The following SIL1 variants were observed in gnomAD, a reference collection of about 807,000 sequenced individuals.
SIL1 encodes nucleotide exchange factor SIL1.
In SIL1, 40 loss-of-function variants were observed where a neutral mutation model predicts 49.1. The observed-to-expected ratio is 0.81, with a 90% CI of 0.63 to 1.06. The LOEUF (loss-of-function observed/expected upper bound fraction) is 1.06, where lower values mean the gene tolerates loss of function less well. SIL1 is among the 50% of genes least tolerant of loss of function. The pLI, the probability that SIL1 is intolerant of heterozygous loss-of-function variation, is 0.00. For synonymous variants in SIL1, 253 were observed against 250.8 expected, an observed-to-expected ratio of 1.01 and a Z score of -0.08; for missense variants, 500 against 572.6, an observed-to-expected ratio of 0.87 and a Z score of 1.29.
intron 3 of SIL1, among the ~76,000 whole-genome samples, chr5:139,089,772 G>A (rs1770303053): frequency 6.6e-6 from 1 of 152,140 alleles, no homozygotes; most frequent in Non-Finnish European, 1.5e-5. Flanking sequence ...AAGACAGAAA[G>A]GAGCTTTGTG....
At chr5:138,952,597 A>G (rs1211092457) in intron 7 of SIL1, among the ~76,000 whole-genome samples, 9 of 152,360 alleles carry the variant, frequency 5.9e-5, no homozygotes, top group Admixed American at 6.5e-5. Flanking sequence ...TAGGGAATGA[A>G]TGAACGACTG....
chr5:138,988,854 G>C (rs983919639), intron 7 of SIL1, among the ~76,000 whole-genome samples: 6 of 152,176 alleles, frequency 3.9e-5, no homozygotes, highest in Non-Finnish European at 7.3e-5. Context: ...GCTTGGGTGA[G>C]AGCGAGACCG....
At chr5:138,949,811 A>G (rs1223060310) in intron 9 of SIL1, among the ~76,000 whole-genome samples, 3 of 148,996 alleles carry the variant, frequency 2.0e-5, no homozygotes, top group Admixed American at 1.3e-4. Context: ...AAAAAAAAAA[A>G]AAAAAGAAAA....
At chr5:139,155,739 C>T (rs1751396108) in intron 1 of SIL1, among the ~76,000 whole-genome samples, 1 of 152,124 alleles carries the variant, frequency 6.6e-6, no homozygotes, top group Non-Finnish European at 1.5e-5. Context: ...AAGAGGGTGG[C>T]CTTGGGGATA....
At chr5:139,145,041 G>T (rs769993102) in intron 1 of SIL1, among the ~76,000 whole-genome samples, 2 of 152,080 alleles carry the variant, frequency 1.3e-5, no homozygotes, top group Non-Finnish European at 2.9e-5. Flanking sequence ...CAAAGGACGC[G>T]ATCAAGAGAA....
At chr5:138,984,616 C>A (rs1767611548) in intron 7 of SIL1, among the ~76,000 whole-genome samples, 1 of 152,150 alleles carries the variant, frequency 6.6e-6, no homozygotes, top group African/African-American at 2.4e-5. Flanking sequence ...ACCTTAGCCT[C>A]CCAAAGTGCT....
chr5:139,049,583 G>A (rs1340856165), intron 4 of SIL1, among the ~76,000 whole-genome samples: 1 of 152,098 alleles, frequency 6.6e-6, no homozygotes, highest in Non-Finnish European at 1.5e-5. Flanking sequence ...GAGTCCAGGA[G>A]TTTAAGACCA....
At chr5:138,985,623 C>A (rs574429430) in intron 7 of SIL1, among the ~76,000 whole-genome samples, 2 of 152,168 alleles carry the variant, frequency 1.3e-5, no homozygotes, top group African/African-American at 4.8e-5. Flanking sequence ...ATATCTAGTG[C>A]TCTTGTTTTC....
intron 7 of SIL1, among the ~76,000 whole-genome samples, chr5:138,970,927 G>T (rs1030631945): frequency 6.6e-6 from 1 of 150,504 alleles, no homozygotes; most frequent in Non-Finnish European, 1.5e-5. Context: ...AAAAAAAAAA[G>T]AATTCCAGAG....
Position 139,042,715 on chromosome 5 carries a change from C to A in SIL1, c.358G>T (p.Asp120Tyr). Residue 120 changes from aspartate (D) to tyrosine (Y), a missense_variant, in exon 5 of 10, where the codon GAT (aspartate) becomes TAT (tyrosine). Asp to Tyr is a radical substitution (Grantham distance 160). Transcript: ENST00000394817. Reference protein sequence around the residue: ...FRNNLKGKRLDINTNTYTSQD... With the variant: ...FRNNLKGKRLYINTNTYTSQD... ...GATGTGTAGGTGTTGGTGTTGATATCCAGCCTGTCCAAAGAAAACTGAGAG... is the reference window on the plus strand; with the variant it reads ...GATGTGTAGGTGTTGGTGTTGATATACAGCCTGTCCAAAGAAAACTGAGAG... 1 of 1,614,010 alleles carries A rather than the reference C, an allele frequency of 6.2e-7. No homozygotes were observed. The highest frequency in any genetic ancestry group is 8.5e-7 in the Non-Finnish European group (1 of 1,179,946).
intron 1 of SIL1, among the ~76,000 whole-genome samples, chr5:139,158,051 A>T (rs1194954123): frequency 6.6e-6 from 1 of 152,206 alleles, no homozygotes; most frequent in South Asian, 2.1e-4. Context: ...AGAGTTGCAA[A>T]ACTGGGTTCA....
At chr5:139,032,544 G>C (rs1367481582) in intron 5 of SIL1, among the ~76,000 whole-genome samples, 1 of 152,138 alleles carries the variant, frequency 6.6e-6, no homozygotes, top group East Asian at 1.9e-4. Flanking sequence ...TACTCTGTCT[G>C]GTTCAGGTAT....
intron 3 of SIL1, among the ~76,000 whole-genome samples, chr5:139,075,037 C>A (rs1769918414): frequency 6.6e-6 from 1 of 152,132 alleles, no homozygotes; most frequent in African/African-American, 2.4e-5. Context: ...GTTTGCCAGG[C>A]TGGTCTTGAA....
intron 5 of SIL1, among the ~76,000 whole-genome samples, chr5:139,027,285 A>G (rs973823709): frequency 2.0e-5 from 3 of 152,198 alleles, no homozygotes; most frequent in African/African-American, 7.2e-5. Context: ...TGTCACAACC[A>G]CTGAGTTAAG....
At chr5:138,952,425 G>T (rs1230051764) in intron 7 of SIL1, among the ~76,000 whole-genome samples, 1 of 152,228 alleles carries the variant, frequency 6.6e-6, no homozygotes, top group Non-Finnish European at 1.5e-5. Context: ...GGAAGAAAGT[G>T]CAAGAGACAG....
Position 139,064,643 on chromosome 5 carries a change from T to C in SIL1, c.245-13597A>G, listed in dbSNP as rs141454688. On this transcript the variant is annotated intron_variant, in intron 3 of 9. Coordinates refer to ENST00000394817, the MANE Select transcript of SIL1 (RefSeq NM_022464.5). ...CGTTGGTATTGAGAGACCTACTAAGTAGTGTTGTGCTTTGCTTTCTTCACT... is the reference window on the plus strand; with the variant it reads ...CGTTGGTATTGAGAGACCTACTAAGCAGTGTTGTGCTTTGCTTTCTTCACT... 7.9e-5 allele frequency among the ~76,000 whole-genome samples: 12 copies of C among 152,338 alleles called. No individual in the cohort carries two copies. In the South Asian group the frequency reaches 2.3e-3, roughly 29 times the overall value.
At chr5:139,040,242 C>T (rs1006460342) in intron 5 of SIL1, among the ~76,000 whole-genome samples, 6 of 152,134 alleles carry the variant, frequency 3.9e-5, no homozygotes, top group East Asian at 1.9e-4. Context: ...AGTGCCAGCT[C>T]GATGAGCACA....
intron 3 of SIL1, among the ~76,000 whole-genome samples, chr5:139,086,538 A>G (rs185337853): frequency 6.6e-6 from 1 of 151,560 alleles, no homozygotes; most frequent in Non-Finnish European, 1.5e-5. Context: ...TTTTGTTTTT[A>G]GTAGAGATGG....
At chr5:139,111,135 T>A (rs1265161642) in intron 3 of SIL1, among the ~76,000 whole-genome samples, 2 of 152,190 alleles carry the variant, frequency 1.3e-5, no homozygotes, top group African/African-American at 4.8e-5. Context: ...CCACAGTAGT[T>A]CTTCCCAACC....
Sources: gnomAD v4.1 joint callset for allele counts (sites outside exome capture counted in the v4.1 genomes callset) on GRCh38, gnomAD v4.1.1 for gene constraint, MANE v1.5 for transcripts, NCBI Gene and HGNC (gene_info 2026-07-23, HGNC 2026-07-21) for gene names.